KLF12: variants seen among roughly 807,000 people sequenced by gnomAD.
KLF12 encodes the protein KLF transcription factor 12, also known as Krueppel-like factor 12.
A neutral mutation model predicts 37.8 loss-of-function variants in KLF12; 9 were observed. That is an observed-to-expected ratio of 0.24 (90% CI 0.14 to 0.42). The LOEUF (loss-of-function observed/expected upper bound fraction) is 0.42, where lower values mean the gene tolerates loss of function less well. Among genes scored for constraint, KLF12 ranks in the 10% least tolerant of loss-of-function variants. The pLI, the probability that KLF12 is intolerant of heterozygous loss-of-function variation, is 1.00. For missense variants in KLF12, 411 were observed against 516.0 expected (o/e 0.80, Z 1.97); for synonymous variants, 208 against 202.1 (o/e 1.03, Z -0.25).
upstream of KLF12, among the ~76,000 whole-genome samples, chr13:74,134,135 A>C (rs917201445): frequency 4.0e-4 from 50 of 126,234 alleles, no homozygotes; most frequent in African/African-American, 1.4e-3. Context: ...CGCAGCCCGC[A>C]GCTCAGGAAA....
intron 2 of KLF12, among the ~76,000 whole-genome samples, chr13:73,989,041 T>C (rs1891897241): frequency 1.3e-5 from 2 of 152,206 alleles, no homozygotes; most frequent in South Asian, 2.1e-4. Flanking sequence ...GTCATTTTTT[T>C]AAACACCACA....
intron 4 of KLF12, among the ~76,000 whole-genome samples, chr13:73,830,322 C>T (rs1381441991): frequency 6.6e-6 from 1 of 152,148 alleles, no homozygotes; most frequent in Non-Finnish European, 1.5e-5. Context: ...CAGGCAAGAT[C>T]TTTCACTCTT....
chr13:73,843,453 G>A (rs528689584), intron 4 of KLF12, among the ~76,000 whole-genome samples: 25 of 151,970 alleles, frequency 1.6e-4, no homozygotes, highest in Middle Eastern at 6.8e-3. Flanking sequence ...GATTACAGGC[G>A]TGCGCCACCA....
At chr13:73,915,030 G>A (rs1888750243) in intron 3 of KLF12, among the ~76,000 whole-genome samples, 1 of 152,074 alleles carries the variant, frequency 6.6e-6, no homozygotes, top group Non-Finnish European at 1.5e-5. Context: ...GGGCTAGCAG[G>A]GAGGCATCTG....
chr13:73,967,404 A>G (rs1359744397), intron 2 of KLF12, among the ~76,000 whole-genome samples: 1 of 152,240 alleles, frequency 6.6e-6, no homozygotes, highest in East Asian at 1.9e-4. Flanking sequence ...GATGATGTGT[A>G]AATGAGAGTC....
At chr13:73,842,050 C>T (rs1459839056) in intron 4 of KLF12, among the ~76,000 whole-genome samples, 1 of 152,160 alleles carries the variant, frequency 6.6e-6, no homozygotes, top group African/African-American at 2.4e-5. Flanking sequence ...TCTTTGCACA[C>T]TTGGAAAGGC....
At chr13:74,109,845 G>C (rs538862394) in intron 1 of KLF12, among the ~76,000 whole-genome samples, 1 of 151,896 alleles carries the variant, frequency 6.6e-6, no homozygotes, top group Non-Finnish European at 1.5e-5. Flanking sequence ...AAACCGATCC[G>C]TTTTTACTAA....
intron 1 of KLF12, among the ~76,000 whole-genome samples, chr13:74,017,049 A>G (rs1174619901): frequency 6.6e-6 from 1 of 152,120 alleles, no homozygotes; most frequent in Admixed American, 6.5e-5. Flanking sequence ...ACAGTCGTCT[A>G]TGGTGATAGG....
rs866744082 is a variant in KLF12, at chr13:73,928,268, T to C, written c.123+15713A>G. ...TTGAAATATGCAGGCAGTTAAACCC[T>C]TTAGCTAAAGGTTAAGTGTTAGAAG... On this transcript the variant is annotated intron_variant, in intron 3 of 7. Coordinates refer to ENST00000377669, the MANE Select transcript of KLF12 (RefSeq NM_007249.5). 1.5e-4 allele frequency among the ~76,000 whole-genome samples: 23 copies of C among 152,334 alleles called. No homozygotes were observed. The East Asian group carries it at 4.2e-3, about 28-fold the overall frequency.
intron 1 of KLF12, among the ~76,000 whole-genome samples, chr13:74,103,697 T>C (rs1008138957): frequency 1.3e-5 from 2 of 152,198 alleles, no homozygotes; most frequent in Middle Eastern, 3.2e-3. Flanking sequence ...TTCTTTGAGA[T>C]GATCCCAAAC....
At chr13:73,854,911 A>G (rs1885528985) in intron 3 of KLF12, among the ~76,000 whole-genome samples, 1 of 152,174 alleles carries the variant, frequency 6.6e-6, no homozygotes, top group Non-Finnish European at 1.5e-5. Flanking sequence ...CTTGTCTTCT[A>G]ATAGAAAACA....
At chr13:74,251,314 T>C in the KLF12 span, among the ~76,000 whole-genome samples, 1 of 152,008 alleles carries the variant, frequency 6.6e-6, no homozygotes, top group East Asian at 1.9e-4. Flanking sequence ...CTGCTAATTT[T>C]TTTTTTCTTT....
the KLF12 span, among the ~76,000 whole-genome samples, chr13:74,199,359 T>A: frequency 1.1e-4 from 16 of 152,328 alleles, no homozygotes; most frequent in Non-Finnish European, 2.1e-4. Flanking sequence ...CCCAGAAGTG[T>A]GGTAGCTTGA....
intron 1 of KLF12, among the ~76,000 whole-genome samples, chr13:74,054,691 T>C (rs572817367): frequency 1.1e-3 from 160 of 152,322 alleles, no homozygotes; most frequent in African/African-American, 3.6e-3. Flanking sequence ...GTGTTCCTAA[T>C]ATATCAAGGT....
chr13:73,969,077 A>G (rs1891255179), intron 2 of KLF12, among the ~76,000 whole-genome samples: 1 of 152,102 alleles, frequency 6.6e-6, no homozygotes, highest in African/African-American at 2.4e-5. Flanking sequence ...TTCTTCTACT[A>G]TATTGGAGTG....
intron 1 of KLF12, among the ~76,000 whole-genome samples, chr13:74,106,840 C>T (rs1355525612): frequency 6.6e-6 from 1 of 152,056 alleles, no homozygotes; most frequent in Non-Finnish European, 1.5e-5. Context: ...TCTTATGCTT[C>T]CTCTATATTA....
At chr13:73,733,137 TTGTAA>T (rs1877195842) in intron 6 of KLF12, among the ~76,000 whole-genome samples, 1 of 152,200 alleles carries the variant, frequency 6.6e-6, no homozygotes, top group African/African-American at 2.4e-5. Flanking sequence ...TTATTTGTAA[TTGTAA>T]TGAAATATAC....
At chr13:73,852,117 T>C (rs367781763) in intron 3 of KLF12, among the ~76,000 whole-genome samples, 2 of 152,208 alleles carry the variant, frequency 1.3e-5, no homozygotes, top group African/African-American at 4.8e-5. Flanking sequence ...TCTATTCTTT[T>C]GTATTACTAA....
intron 5 of KLF12, among the ~76,000 whole-genome samples, chr13:73,794,993 A>G (rs979434213): frequency 6.6e-6 from 1 of 152,236 alleles, no homozygotes; most frequent in Non-Finnish European, 1.5e-5. Flanking sequence ...TCTCCTAGAT[A>G]GAGCCAGGTT....
Sources: gnomAD v4.1 joint callset for allele counts (sites outside exome capture counted in the v4.1 genomes callset) on GRCh38, gnomAD v4.1.1 for gene constraint, MANE v1.5 for transcripts, NCBI Gene and HGNC (gene_info 2026-07-23, HGNC 2026-07-21) for gene names.